The following MPC2 variants were observed in gnomAD, a reference collection of about 807,000 sequenced individuals.
The protein encoded by MPC2 is mitochondrial pyruvate carrier 2.
Under a neutral mutation model 19.2 loss-of-function variants are expected in MPC2, and 19 were observed. The observed-to-expected ratio is 0.99, with a 90% CI of 0.69 to 1.45. The LOEUF is 1.45. Ranked by LOEUF, MPC2 falls within the 40% of genes most tolerant of loss-of-function variation. MPC2 has a pLI of 0.00. For missense variants in MPC2, 122 were observed against 153.0 expected, an observed-to-expected ratio of 0.80 and a Z score of 1.07; for synonymous variants, 61 against 54.3, an observed-to-expected ratio of 1.12 and a Z score of -0.54.
intron 5 of MPC2, among the ~76,000 whole-genome samples, chr1:167,919,609 A>C (rs1449511389): frequency 6.6e-5 from 10 of 152,216 alleles, no homozygotes; most frequent in African/African-American, 2.2e-4. Context: ...AAAGTGATAA[A>C]AGGTTTACAT....
chr1:167,923,828 G>A (rs1321410493), intron 3 of MPC2, among the ~76,000 whole-genome samples: 1 of 152,114 alleles, frequency 6.6e-6, no homozygotes, highest in African/African-American at 2.4e-5. Flanking sequence ...GTAGGTCTGT[G>A]ATGGGGCCTA....
chr1:167,936,748 C>T, intron 1 of MPC2, 191 bp downstream of exon 1: 1 of 624,050 alleles, frequency 1.6e-6, no homozygotes, highest in Admixed American at 3.0e-5. Context: ...GGCCGGGCTT[C>T]AGGGGCCCAG....
chr1:167,929,913 G>A (rs1670862929), intron 2 of MPC2, among the ~76,000 whole-genome samples: 1 of 151,902 alleles, frequency 6.6e-6, no homozygotes, highest in South Asian at 2.1e-4. Context: ...ACTCCTTTAT[G>A]GTTTGTTACT....
Position 167,924,540 on chromosome 1 carries a change from G to GAAA in MPC2, c.110-6_110-4dup. On this transcript the variant is annotated splice_region_variant and splice_polypyrimidine_tract_variant and intron_variant, in intron 2 of 5. Coordinates refer to ENST00000271373, the MANE Select transcript of MPC2 (RefSeq NM_001143674.4). ...CCAGAAGAAAACTGTTCTGGGACCT[G>GAAA]AAAAAAAAAAGAAAAGAAAAATTCA... 4.0e-6 allele frequency: 5 copies of GAAA among 1,243,724 alleles called. No individual in the cohort carries two copies. The highest frequency in any genetic ancestry group is 4.3e-6 in the Non-Finnish European group (4 of 925,496). The allele number at this position is 1,243,724 out of a possible 1,614,324, so 77.0% of individuals were successfully genotyped here.
chr1:167,918,287 T>A lies in MPC2; in HGVS notation c.*36A>T, dbSNP rs1670514989. 6.6e-7 allele frequency: 1 copy of A among 1,517,746 alleles called. No homozygotes were observed. The highest frequency in any genetic ancestry group is 9.0e-7 in the Non-Finnish European group (1 of 1,108,170). 94.0% of individuals were successfully genotyped at this position (1,517,746 alleles called of 1,614,324 possible). A position where few individuals can be genotyped will look rare whatever the true frequency, so the allele number is the denominator to read the frequency against. The stretch of plus-strand genomic sequence containing the variant: ...AATAAACTAGGTCCCAATGGTTTTG[T>A]CCACATCTAGATTGTTCAGGTGATC... On this transcript the variant is annotated 3_prime_UTR_variant, in exon 6 of 6. Transcript: ENST00000271373.
At chr1:167,936,618 A>G (rs1571533045) in intron 1 of MPC2, 1 of 362,860 alleles carries the variant, frequency 2.8e-6, no homozygotes, top group East Asian at 6.2e-5. Flanking sequence ...AGGAGTCGCC[A>G]TCGCCTCCGC....
chr1:167,932,530 C>T (rs1041216852), intron 2 of MPC2, among the ~76,000 whole-genome samples: 3 of 151,972 alleles, frequency 2.0e-5, no homozygotes, highest in African/African-American at 7.2e-5. Flanking sequence ...AACATTGGGC[C>T]GGGTGTGGTT....
chr1:167,925,227 C>T (rs902999746), intron 2 of MPC2, among the ~76,000 whole-genome samples: 1 of 151,716 alleles, frequency 6.6e-6, no homozygotes, highest in Non-Finnish European at 1.5e-5. Flanking sequence ...ATATTTTACT[C>T]CAGTTATTTG....
chr1:167,923,495 G>A (rs1323447381), intron 3 of MPC2, among the ~76,000 whole-genome samples: 1 of 152,134 alleles, frequency 6.6e-6, no homozygotes, highest in Non-Finnish European at 1.5e-5. Context: ...TTAGAGTAGT[G>A]AAATTCATAG....
At chr1:167,931,675 C>T (rs967797190) in intron 2 of MPC2, among the ~76,000 whole-genome samples, 4 of 151,888 alleles carry the variant, frequency 2.6e-5, no homozygotes, top group East Asian at 1.9e-4. Flanking sequence ...TATGTAGGTA[C>T]GTACACTCAT....
rs1351079022 is a variant in MPC2, at chr1:167,917,195, G to A, written c.*1128C>T. 6.6e-6 allele frequency: 1 copy of A among 152,172 alleles called. No homozygotes were observed. Among genetic ancestry groups the A allele is most frequent in the Non-Finnish European group, 1.5e-5 (1 of 68,030 alleles). 9.4% of individuals were successfully genotyped at this position (152,172 alleles called of 1,614,324 possible). On this transcript the variant is annotated 3_prime_UTR_variant, in exon 6 of 6. Transcript: ENST00000271373. ...TAGATAGTTAATTATTTGTAGCGTG[G>A]AGTAATGTATGCTCAGTCTCTCCTC... is the stretch of plus-strand genomic sequence containing the variant.
intron 2 of MPC2, among the ~76,000 whole-genome samples, chr1:167,930,253 G>T (rs1670871218): frequency 6.6e-6 from 1 of 152,186 alleles, no homozygotes; most frequent in Non-Finnish European, 1.5e-5. Flanking sequence ...AAATTCCAGA[G>T]TAAAGAACAG....
At chr1:167,928,269 A>G (rs1342741195) in intron 2 of MPC2, among the ~76,000 whole-genome samples, 1 of 151,646 alleles carries the variant, frequency 6.6e-6, no homozygotes, top group Non-Finnish European at 1.5e-5. Context: ...AATGGCGTGA[A>G]GCCGGGAGGT....
chr1:167,924,060 C>G (rs1358388691), intron 3 of MPC2, among the ~76,000 whole-genome samples: 2 of 152,170 alleles, frequency 1.3e-5, no homozygotes, highest in Non-Finnish European at 1.5e-5. Context: ...TCTCATTTAC[C>G]AAATGCTAAT....
At chr1:167,918,669 C>T (rs1670527989) in intron 5 of MPC2, among the ~76,000 whole-genome samples, 1 of 148,612 alleles carries the variant, frequency 6.7e-6, no homozygotes, top group Non-Finnish European at 1.5e-5. Context: ...TCTCGGCTCG[C>T]TGCAAGCTCT....
rs1671124915 is a variant in MPC2 at position 167,935,717 on chromosome 1, AT to A, written c.109+15del. The A allele has an allele frequency of 6.5e-7, 1 of 1,548,752 alleles. No individual in the cohort carries two copies. Among genetic ancestry groups the A allele is most frequent in the African/African-American group, 1.4e-5 (1 of 73,142 alleles). On this transcript the variant is annotated intron_variant, in intron 2 of 5. Coordinates refer to ENST00000271373, the MANE Select transcript of MPC2 (RefSeq NM_001143674.4). ...AGAAGGAAGGTCTCGATAAGGAGCCATTCAGGGTCCATTACCTGCTGGATGG... is the reference window on the plus strand; with the variant it reads ...AGAAGGAAGGTCTCGATAAGGAGCCATCAGGGTCCATTACCTGCTGGATGG...
intron 5 of MPC2, among the ~76,000 whole-genome samples, chr1:167,919,556 T>C (rs1210075169): frequency 6.6e-6 from 1 of 152,258 alleles, no homozygotes; most frequent in African/African-American, 2.4e-5. Context: ...TTTCCAATAC[T>C]ACATAACAAT....
intron 1 of MPC2, 196 bp from the exon 2 acceptor site, chr1:167,936,094 G>C (rs1334791928): frequency 3.6e-6 from 2 of 559,370 alleles, no homozygotes; most frequent in African/African-American, 3.8e-5. Context: ...CAGGAGAGAG[G>C]GAGGAGCCAT....
At chr1:167,936,452 C>G (rs1048659610) in intron 1 of MPC2, 1 of 182,886 alleles carries the variant, frequency 5.5e-6, no homozygotes, top group African/African-American at 2.4e-5. Flanking sequence ...CTCTACTCGT[C>G]TTTTATCCCT....
Sources: allele counts gnomAD v4.1 joint callset (sites outside exome capture counted in the v4.1 genomes callset), GRCh38; gene constraint gnomAD v4.1.1; transcripts MANE v1.5; gene names NCBI Gene and HGNC (gene_info 2026-07-23, HGNC 2026-07-21).